The following GHR variants were observed in gnomAD, a reference collection of about 807,000 sequenced individuals.
The protein encoded by GHR is growth hormone receptor.
A neutral mutation model predicts 67.1 loss-of-function variants in GHR; 35 were observed. That is an observed-to-expected ratio of 0.52 (90% CI 0.40 to 0.69). The LOEUF (loss-of-function observed/expected upper bound fraction) is 0.69, where lower values mean the gene tolerates loss of function less well. Among genes scored for constraint, GHR ranks in the 30% least tolerant of loss-of-function variants. The probability of loss-of-function intolerance (pLI) is 0.00; values close to 1 mark genes in which losing one functional copy is unlikely to be tolerated. For missense variants in GHR, 792 were observed against 764.6 expected (o/e 1.04, Z -0.42); for synonymous variants, 272 against 269.1 (o/e 1.01, Z -0.10).
intron 2 of GHR, among the ~76,000 whole-genome samples, chr5:42,590,102 G>A (rs938489213): frequency 5.3e-5 from 8 of 152,180 alleles, no homozygotes; most frequent in African/African-American, 1.7e-4. Context: ...TGAAAAGAAT[G>A]AGGAACATAT....
intron 1 of GHR, among the ~76,000 whole-genome samples, chr5:42,455,360 C>T (rs569553217): frequency 1.3e-5 from 2 of 152,268 alleles, no homozygotes; most frequent in South Asian, 4.1e-4. Context: ...AGTCTCCACA[C>T]ACTGTTCTGT....
chr5:42,718,317 T>C, intron 9 of GHR, 136 bp from the exon 10 acceptor site: 1 of 746,442 alleles, frequency 1.3e-6, no homozygotes, highest in Admixed American at 2.5e-5. Flanking sequence ...AGTTACACAC[T>C]AATTTATGTT....
At chr5:42,562,806 A>G (rs1322691877) in intron 1 of GHR, among the ~76,000 whole-genome samples, 2 of 151,868 alleles carry the variant, frequency 1.3e-5, no homozygotes, top group Non-Finnish European at 1.5e-5. Flanking sequence ...ATGCGCTGCC[A>G]TGCCCAGCTA....
chr5:42,522,053 C>T (rs1747498752), intron 1 of GHR, among the ~76,000 whole-genome samples: 1 of 152,104 alleles, frequency 6.6e-6, no homozygotes, highest in Admixed American at 6.5e-5. Context: ...GACCTTTCTA[C>T]AAAGTCCCTG....
intron 1 of GHR, among the ~76,000 whole-genome samples, chr5:42,430,195 A>T (rs984471023): frequency 6.6e-6 from 1 of 152,158 alleles, no homozygotes; most frequent in Non-Finnish European, 1.5e-5. Flanking sequence ...GAAGATAGCA[A>T]ATCTGGCTTA....
intron 2 of GHR, among the ~76,000 whole-genome samples, chr5:42,616,187 G>C (rs570335549): frequency 6.6e-6 from 1 of 151,982 alleles, no homozygotes; most frequent in Non-Finnish European, 1.5e-5. Flanking sequence ...GCCTTAAAAA[G>C]GTTAATTGTT....
chr5:42,626,754 C>CA (rs1753724920), intron 2 of GHR, among the ~76,000 whole-genome samples: 1 of 152,158 alleles, frequency 6.6e-6, no homozygotes, highest in Non-Finnish European at 1.5e-5. Context: ...TGTCAAGAAA[C>CA]GGAGACAAGG....
At chr5:42,581,339 A>G (rs1238012226) in intron 2 of GHR, among the ~76,000 whole-genome samples, 4 of 152,206 alleles carry the variant, frequency 2.6e-5, no homozygotes, top group Non-Finnish European at 2.9e-5. Flanking sequence ...TGTGAGGATT[A>G]AACGGTTAAG....
intron 1 of GHR, among the ~76,000 whole-genome samples, chr5:42,435,122 A>C (rs554022622): frequency 6.6e-6 from 1 of 152,240 alleles, no homozygotes; most frequent in East Asian, 1.9e-4. Context: ...TGAAACCTTC[A>C]CTTATAAAAG....
At chr5:42,582,056 T>A (rs937890301) in intron 2 of GHR, among the ~76,000 whole-genome samples, 3 of 152,224 alleles carry the variant, frequency 2.0e-5, no homozygotes, top group Non-Finnish European at 4.4e-5. Flanking sequence ...CCCTGGCACA[T>A]AGGCACTCTC....
chr5:42,497,136 C>T (rs567909970), intron 1 of GHR, among the ~76,000 whole-genome samples: 1 of 152,156 alleles, frequency 6.6e-6, no homozygotes, highest in Admixed American at 6.5e-5. Context: ...CCTTGTTTCC[C>T]ATTCATTCCT....
At chr5:42,558,244 T>G (rs899438264) in intron 1 of GHR, among the ~76,000 whole-genome samples, 1 of 152,230 alleles carries the variant, frequency 6.6e-6, no homozygotes, top group African/African-American at 2.4e-5. Flanking sequence ...CTTTAGTGAA[T>G]TTTTTGTCCC....
At chr5:42,673,648 A>G (rs1226559070) in intron 3 of GHR, among the ~76,000 whole-genome samples, 1 of 152,210 alleles carries the variant, frequency 6.6e-6, no homozygotes, top group African/African-American at 2.4e-5. Flanking sequence ...GGAGGCCATT[A>G]TACTAAGTGA....
chr5:42,442,060 G>A (rs1219763381), intron 1 of GHR, among the ~76,000 whole-genome samples: 3 of 152,156 alleles, frequency 2.0e-5, no homozygotes, highest in Non-Finnish European at 4.4e-5. Flanking sequence ...ATGCAGAGGT[G>A]TGTTTGATGT....
intron 3 of GHR, among the ~76,000 whole-genome samples, chr5:42,688,026 T>C (rs1158553558): frequency 6.6e-6 from 1 of 152,242 alleles, no homozygotes; most frequent in African/African-American, 2.4e-5. Context: ...CATTCTGCAC[T>C]TACTTCTCAA....
At chr5:42,462,802 T>C (rs943645485) in intron 1 of GHR, among the ~76,000 whole-genome samples, 3 of 152,142 alleles carry the variant, frequency 2.0e-5, no homozygotes, top group African/African-American at 7.2e-5. Context: ...TGCATAGTTT[T>C]ATAATGGGGA....
At chr5:42,647,117 C>T (rs531813415) in intron 3 of GHR, among the ~76,000 whole-genome samples, 21 of 152,054 alleles carry the variant, frequency 1.4e-4, no homozygotes, top group South Asian at 6.2e-4. Flanking sequence ...TGGGTGATGC[C>T]GCTGAGAAAA....
At chr5:42,467,825 G>A in intron 1 of GHR, 3 of 1,252,184 alleles carry the variant, frequency 2.4e-6, no homozygotes, top group Non-Finnish European at 3.4e-6. Context: ...CCCAAGCTGG[G>A]TTTTCGGATT....
At chr5:42,662,387 G>A (rs906980173) in intron 3 of GHR, among the ~76,000 whole-genome samples, 4 of 152,176 alleles carry the variant, frequency 2.6e-5, no homozygotes, top group Admixed American at 2.0e-4. Flanking sequence ...GAAAAAAACA[G>A]AAATTATAAC....
Sources: allele counts gnomAD v4.1 joint callset (sites outside exome capture counted in the v4.1 genomes callset), GRCh38; gene constraint gnomAD v4.1.1; transcripts MANE v1.5; gene names NCBI Gene and HGNC (gene_info 2026-07-23, HGNC 2026-07-21).